DNAH11: variants seen among roughly 807,000 people sequenced by gnomAD.
DNAH11 encodes the protein dynein axonemal heavy chain 11.
In DNAH11, 442 loss-of-function variants were observed where a neutral mutation model predicts 526.0. That is an observed-to-expected ratio of 0.84 (90% CI 0.78 to 0.91). The LOEUF (loss-of-function observed/expected upper bound fraction) is 0.91, where lower values mean the gene tolerates loss of function less well. Among genes scored for constraint, DNAH11 ranks in the 40% least tolerant of loss-of-function variants. DNAH11 has a pLI of 0.00. For missense variants in DNAH11, 6,989 were observed against 5,448.7 expected, an observed-to-expected ratio of 1.28 and a Z score of -8.90; for synonymous variants, 2,461 against 1,935.9, an observed-to-expected ratio of 1.27 and a Z score of -7.12.
intron 30 of DNAH11, among the ~76,000 whole-genome samples, chr7:21,666,847 C>A (rs1782440129): frequency 1.3e-5 from 2 of 151,148 alleles, no homozygotes; most frequent in Non-Finnish European, 2.9e-5. Context: ...GAGTAGAGCA[C>A]ATACTCTCTA....
intron 65 of DNAH11, among the ~76,000 whole-genome samples, chr7:21,827,799 C>T (rs1396557302): frequency 6.6e-6 from 1 of 151,958 alleles, no homozygotes; most frequent in Non-Finnish European, 1.5e-5. Flanking sequence ...TGTTTCTGTT[C>T]TTGGAGTTGA....
intron 44 of DNAH11, among the ~76,000 whole-genome samples, chr7:21,723,468 G>A (rs1306352508): frequency 1.3e-5 from 2 of 152,116 alleles, no homozygotes; most frequent in Non-Finnish European, 1.5e-5. Flanking sequence ...ATAAACTGCC[G>A]TCATTTCTCA....
intron 36 of DNAH11, among the ~76,000 whole-genome samples, chr7:21,701,992 G>A (rs1472389359): frequency 2.6e-5 from 4 of 152,134 alleles, no homozygotes; most frequent in African/African-American, 9.7e-5. Flanking sequence ...TGAGCACCGT[G>A]CAATGTGCTA....
At chr7:21,577,938 A>G (rs973246812) in intron 8 of DNAH11, among the ~76,000 whole-genome samples, 1 of 152,190 alleles carries the variant, frequency 6.6e-6, no homozygotes, top group African/African-American at 2.4e-5. Flanking sequence ...ATTGCTACAA[A>G]GAACTACCTG....
chr7:21,833,773 T>G (rs2128010375), intron 65 of DNAH11, among the ~76,000 whole-genome samples: 1 of 152,158 alleles, frequency 6.6e-6, no homozygotes, highest in Non-Finnish European at 1.5e-5. Context: ...AATATAAGTT[T>G]TATTGTAGAG....
chr7:21,749,788 C>T lies in DNAH11; in HGVS notation c.8784C>T (p.Asp2928=), dbSNP rs1347098700. 1 of 1,613,920 alleles carries T rather than the reference C, an allele frequency of 6.2e-7. No homozygotes were observed. Among genetic ancestry groups the T allele is most frequent in the Non-Finnish European group, 8.5e-7 (1 of 1,179,836 alleles). Residue 2928 remains aspartate (D), a synonymous_variant, in exon 53 of 82, where the codon GAC becomes GAT. Coordinates refer to ENST00000409508, the MANE Select transcript of DNAH11 (RefSeq NM_001277115.2). ...LDESFLVLIN[D]LLASGEIPDL... ...AGAGCTTCCTCGTGCTGATTAATGA[C>T]TTGCTGGCATCAGGTGATTAAACCA...
intron 46 of DNAH11, 37 bp from the exon 47 acceptor site, chr7:21,738,664 C>A: frequency 1.3e-6 from 2 of 1,512,394 alleles, no homozygotes; most frequent in Non-Finnish European, 1.8e-6. Flanking sequence ...CATTTACATT[C>A]TGTTGATGGG....
chr7:21,863,452 C>T (rs908810598), intron 69 of DNAH11, among the ~76,000 whole-genome samples: 2 of 152,142 alleles, frequency 1.3e-5, no homozygotes, highest in Admixed American at 6.5e-5. Flanking sequence ...CTCAGCCTCC[C>T]GAGTAGCTGG....
At position 21,578,314 on chromosome 7, in the gene DNAH11, T is replaced by A. The variant is rs191996717; in HGVS notation, c.1594-3591T>A. ...CAAAACAAAGGGGCTACAGGCCCTG[T>A]GCAAGTGTGAAACCCACCAAGGCAG... is the stretch of plus-strand genomic sequence containing the variant. On this transcript the variant is annotated intron_variant, in intron 8 of 81. Transcript: ENST00000409508. Among the ~76,000 whole-genome samples the A allele has an allele frequency of 1.5e-3, 226 of 152,354 alleles. 1 individual carries two copies. The highest frequency in any genetic ancestry group is 5.3e-3 in the African/African-American group (221 of 41,588).
At chr7:21,627,818 C>T (rs1320094520) in intron 25 of DNAH11, among the ~76,000 whole-genome samples, 1 of 152,086 alleles carries the variant, frequency 6.6e-6, no homozygotes, top group Non-Finnish European at 1.5e-5. Context: ...GGAAAAAAGT[C>T]ATTGGTATTT....
At chr7:21,637,795 G>GT in intron 27 of DNAH11, 93 bp downstream of exon 27, 1 of 669,544 alleles carries the variant, frequency 1.5e-6, no homozygotes, top group Non-Finnish European at 2.3e-6. Flanking sequence ...TGTTATGGAG[G>GT]TGCAACCTCT....
At chr7:21,682,717 G>A (rs1348602814) in intron 31 of DNAH11, among the ~76,000 whole-genome samples, 1 of 152,010 alleles carries the variant, frequency 6.6e-6, no homozygotes, top group East Asian at 1.9e-4. Flanking sequence ...CAATTCGAAT[G>A]CCTGTACGTA....
At position 21,786,705 on chromosome 7, in the gene DNAH11, G is replaced by A; in HGVS notation, c.9679G>A (p.Ala3227Thr). The A allele has an allele frequency of 1.2e-6, 2 of 1,613,834 alleles. No individual in the cohort carries two copies. Among genetic ancestry groups the A allele is most frequent in the Non-Finnish European group, 1.7e-6 (2 of 1,179,782 alleles). The change falls in exon 59 of 82, where the codon GCT becomes ACT. Residue 3227 changes from alanine to threonine, a missense_variant. Physicochemically the swap from Ala to Thr is moderately conservative, Grantham distance 58. Coordinates refer to ENST00000409508, the MANE Select transcript of DNAH11 (RefSeq NM_001277115.2). ...NVTAAVMVLL[A>T]PRGRVPKDRS... Reference sequence around the variant, plus strand: ...TACTGCAGCCGTGATGGTCCTTCTGGCTCCTCGGGGAAGAGTGCCCAAAGA... The same window carrying A: ...TACTGCAGCCGTGATGGTCCTTCTGACTCCTCGGGGAAGAGTGCCCAAAGA...
intron 68 of DNAH11, among the ~76,000 whole-genome samples, chr7:21,858,120 C>G (rs891796505): frequency 6.6e-6 from 1 of 152,096 alleles, no homozygotes; most frequent in African/African-American, 2.4e-5. Flanking sequence ...GAATTATCCA[C>G]AAGCACATTA....
intron 54 of DNAH11, among the ~76,000 whole-genome samples, chr7:21,759,209 TGAATA>T (rs1786778777): frequency 6.6e-6 from 1 of 152,158 alleles, no homozygotes; most frequent in Non-Finnish European, 1.5e-5. Context: ...ATTTTCTTCT[TGAATA>T]GGAGAGTTTT....
At chr7:21,618,935 A>C (rs1019516502) in intron 23 of DNAH11, among the ~76,000 whole-genome samples, 165 bp from the exon 24 acceptor site, 1 of 152,188 alleles carries the variant, frequency 6.6e-6, no homozygotes, top group Non-Finnish European at 1.5e-5. Context: ...AGGAATTGTG[A>C]GTTAAAAAGG....
intron 73 of DNAH11, among the ~76,000 whole-genome samples, chr7:21,871,424 A>C (rs941660216): frequency 6.6e-6 from 1 of 152,220 alleles, no homozygotes; most frequent in African/African-American, 2.4e-5. Flanking sequence ...CTAGATTCCA[A>C]AGTGTGCCTG....
At chr7:21,842,071 G>A (rs954669502) in intron 65 of DNAH11, among the ~76,000 whole-genome samples, 1 of 152,060 alleles carries the variant, frequency 6.6e-6, no homozygotes, top group Non-Finnish European at 1.5e-5. Context: ...GGTGTTTGAG[G>A]CCTTTATTTA....
chr7:21,722,590 G>A (rs965983769), intron 44 of DNAH11, among the ~76,000 whole-genome samples: 4 of 152,030 alleles, frequency 2.6e-5, no homozygotes, highest in African/African-American at 9.7e-5. Context: ...AATATAGTTG[G>A]AATTCACTTG....
Sources: gnomAD v4.1 joint callset for allele counts (sites outside exome capture counted in the v4.1 genomes callset) on GRCh38, gnomAD v4.1.1 for gene constraint, MANE v1.5 for transcripts, NCBI Gene and HGNC (gene_info 2026-07-23, HGNC 2026-07-21) for gene names.